The following TXLNB variants were observed in gnomAD, a reference collection of about 807,000 sequenced individuals.
TXLNB encodes the protein beta-taxilin.
Under a neutral mutation model 57.4 loss-of-function variants are expected in TXLNB, and 37 were observed. The ratio of observed to expected loss-of-function variants is 0.64; its 90% CI spans 0.50 to 0.85. TXLNB has a LOEUF of 0.85. TXLNB is among the 40% of genes least tolerant of loss of function. The probability of loss-of-function intolerance (pLI) is 0.00; values close to 1 mark genes in which losing one functional copy is unlikely to be tolerated. For missense variants in TXLNB, 848 were observed against 825.6 expected, an observed-to-expected ratio of 1.03 and a Z score of -0.33; for synonymous variants, 302 against 309.6, an observed-to-expected ratio of 0.98 and a Z score of 0.26.
the TXLNB span, among the ~76,000 whole-genome samples, chr6:139,207,291 C>A: frequency 5.3e-4 from 80 of 152,074 alleles, no homozygotes; most frequent in Non-Finnish European, 1.8e-4. Flanking sequence ...CCTTCTCAGA[C>A]CACAATGGAA....
intron 4 of TXLNB, among the ~76,000 whole-genome samples, chr6:139,266,381 A>T (rs1241227898): frequency 1.3e-5 from 2 of 152,250 alleles, no homozygotes; most frequent in Non-Finnish European, 1.5e-5. Context: ...AGAAAATCTC[A>T]GGTGAGAGGT....
chr6:139,189,070 C>A, the TXLNB span, among the ~76,000 whole-genome samples: 1 of 152,146 alleles, frequency 6.6e-6, no homozygotes, highest in African/African-American at 2.4e-5. Context: ...ATTTCTTTAA[C>A]CTCGTATTCT....
At position 139,243,059 on chromosome 6, in the gene TXLNB, T is replaced by C. The variant is rs754637084; in HGVS notation, c.1522A>G (p.Met508Val). 1.9e-6 allele frequency: 3 copies of C among 1,614,074 alleles called. No homozygotes were observed. The highest frequency in any genetic ancestry group is 2.5e-6 in the Non-Finnish European group (3 of 1,180,032). ...GTTGACTCTGGATGATGAATTATCA[T>C]GAAGGCTGTGGCCAGATTTTTCACG... ...TAVKNLATAF[M>V]IIHHPESTPH... Residue 508 changes from methionine to valine, a missense_variant, in exon 10 of 10, where the codon ATG becomes GTG. Met to Val is a conservative substitution (Grantham distance 21). Coordinates refer to ENST00000358430, the MANE Select transcript of TXLNB (RefSeq NM_153235.4).
chr6:139,255,539 C>T lies in TXLNB; in HGVS notation c.1077+25G>A, dbSNP rs781050366. 1.2e-5 allele frequency: 19 copies of T among 1,607,820 alleles called. No individual in the cohort carries two copies. The South Asian group carries it at 1.9e-4, about 16-fold the overall frequency. The stretch of plus-strand genomic sequence containing the variant: ...TCTGGGGACAGTGAGGACAGCACCC[C>T]CATGCCTCGTCCACCTGGCCTCACC... On this transcript the variant is annotated intron_variant, in intron 7 of 9. Transcript: ENST00000358430.
At chr6:139,317,772 T>C in the TXLNB span, among the ~76,000 whole-genome samples, 1 of 152,146 alleles carries the variant, frequency 6.6e-6, no homozygotes, top group Non-Finnish European at 1.5e-5. Flanking sequence ...AACTGGAATC[T>C]ATAAAAATGA....
the TXLNB span, among the ~76,000 whole-genome samples, chr6:139,229,770 T>G: frequency 6.6e-6 from 1 of 152,168 alleles, no homozygotes; most frequent in Non-Finnish European, 1.5e-5. Context: ...AAACTACCAC[T>G]CACATTATTT....
At chr6:139,216,856 G>T in the TXLNB span, among the ~76,000 whole-genome samples, 2,798 of 152,226 alleles carry the variant, frequency 0.018, 95 homozygotes, top group African/African-American at 0.063. Flanking sequence ...GGACTTTGGG[G>T]ACTTGCAGGG....
At chr6:139,321,383 A>G in the TXLNB span, among the ~76,000 whole-genome samples, 1 of 152,144 alleles carries the variant, frequency 6.6e-6, no homozygotes, top group Admixed American at 6.5e-5. Context: ...CCATCTGTGA[A>G]TCAGAAAATG....
chr6:139,207,958 C>G, the TXLNB span, among the ~76,000 whole-genome samples: 1 of 152,112 alleles, frequency 6.6e-6, no homozygotes, highest in Non-Finnish European at 1.5e-5. Context: ...CACCTATAAT[C>G]CCAGCTAGTC....
chr6:139,245,326 A>G (rs1776043665), intron 8 of TXLNB: 1 of 152,302 alleles, frequency 6.6e-6, no homozygotes, highest in Admixed American at 6.5e-5. Flanking sequence ...TGGGGCTGCC[A>G]TTCTTTTATT....
chr6:139,312,476 C>T, the TXLNB span, among the ~76,000 whole-genome samples: 2 of 152,268 alleles, frequency 1.3e-5, no homozygotes, highest in Admixed American at 1.3e-4. Context: ...GGGTTGCCAC[C>T]TCTCGTAGTG....
chr6:139,207,850 C>A, the TXLNB span, among the ~76,000 whole-genome samples: 2 of 152,094 alleles, frequency 1.3e-5, no homozygotes, highest in African/African-American at 2.4e-5. Context: ...CCGAGGTGGG[C>A]AGATTGCTTG....
chr6:139,164,445 C>A, the TXLNB span, among the ~76,000 whole-genome samples: 1 of 152,096 alleles, frequency 6.6e-6, no homozygotes, highest in Non-Finnish European at 1.5e-5. Context: ...TGTTTGCTTC[C>A]TGTAGTGTGC....
chr6:139,190,518 C>G, the TXLNB span, among the ~76,000 whole-genome samples: 17 of 152,040 alleles, frequency 1.1e-4, no homozygotes, highest in Admixed American at 2.0e-4. Flanking sequence ...ACCACATTGG[C>G]TAGGCTGGTC....
At chr6:139,219,394 C>T in the TXLNB span, among the ~76,000 whole-genome samples, 4 of 152,210 alleles carry the variant, frequency 2.6e-5, no homozygotes, top group Non-Finnish European at 5.9e-5. Flanking sequence ...CACTGCTGTT[C>T]TCTCTGTGCA....
chr6:139,166,798 C>T, the TXLNB span: 4 of 1,613,724 alleles, frequency 2.5e-6, no homozygotes, highest in Non-Finnish European at 3.4e-6. Context: ...CCTACGGTGC[C>T]CGTTCCCCCG....
intron 8 of TXLNB, among the ~76,000 whole-genome samples, chr6:139,247,308 A>C (rs1171981026): frequency 6.6e-6 from 1 of 151,776 alleles, no homozygotes; most frequent in Non-Finnish European, 1.5e-5. Context: ...CGCCTGGCTA[A>C]TTTTTGTGTT....
At chr6:139,169,681 A>G in the TXLNB span, 1 of 152,212 alleles carries the variant, frequency 6.6e-6, no homozygotes, top group East Asian at 1.9e-4. Context: ...TCTGTGTTCC[A>G]TGTAGTCTTT....
At chr6:139,238,276 C>T (rs796867880), downstream of TXLNB, among the ~76,000 whole-genome samples, 2 of 152,276 alleles carry the variant, frequency 1.3e-5, no homozygotes, top group African/African-American at 4.8e-5. Context: ...TGCCTGTAAT[C>T]CCAGCTACTC....
Sources: gnomAD v4.1 joint callset for allele counts (sites outside exome capture counted in the v4.1 genomes callset) on GRCh38, gnomAD v4.1.1 for gene constraint, MANE v1.5 for transcripts, NCBI Gene and HGNC (gene_info 2026-07-23, HGNC 2026-07-21) for gene names.